The following SEZ6L2 variants were observed in gnomAD, a reference collection of about 807,000 sequenced individuals.
SEZ6L2 encodes seizure related 6 homolog like 2.
Under a neutral mutation model 97.0 loss-of-function variants are expected in SEZ6L2, and 44 were observed. The observed-to-expected ratio is 0.45, with a 90% CI of 0.36 to 0.58. The LOEUF (loss-of-function observed/expected upper bound fraction) is 0.58, where lower values mean the gene tolerates loss of function less well. Among genes scored for constraint, SEZ6L2 ranks in the 20% least tolerant of loss-of-function variants. The pLI is 0.00. For synonymous variants in SEZ6L2, 543 were observed against 546.1 expected, an observed-to-expected ratio of 0.99 and a Z score of 0.08; for missense variants, 1,086 against 1,233.3, an observed-to-expected ratio of 0.88 and a Z score of 1.79.
Position 29,871,514 on chromosome 16 carries a change from G to C in SEZ6L2, c.*185C>G. Reference sequence around the variant, plus strand: ...CAACTGAGAAGAGGCGGCTTTGGGCGGCAGGATGCTGGTTTATTTACTGTA... The same window carrying C: ...CAACTGAGAAGAGGCGGCTTTGGGCCGCAGGATGCTGGTTTATTTACTGTA... On this transcript the variant is annotated 3_prime_UTR_variant, in exon 18 of 18. Coordinates refer to ENST00000617533, the MANE Select transcript of SEZ6L2 (RefSeq NM_001243332.2). 1 of 656,008 alleles carries C rather than the reference G, an allele frequency of 1.5e-6. No homozygotes were observed. The highest frequency in any genetic ancestry group is 2.7e-6 in the Non-Finnish European group (1 of 364,294). 40.6% of individuals were successfully genotyped at this position (656,008 alleles called of 1,614,324 possible).
Position 29,878,392 on chromosome 16 carries a change from C to T in SEZ6L2, c.1607G>A (p.Gly536Asp), listed in dbSNP as rs2067955039. Residue 536 changes from glycine to aspartate, a missense_variant, in exon 10 of 18, where the codon GGC (glycine) becomes GAC (aspartate). By Grantham distance (94) the Gly-to-Asp change is moderately conservative. This residue lies in a region of SEZ6L2 where 776 missense variants were observed against 794.7 expected (regional missense o/e 0.98). Coordinates refer to ENST00000617533, the MANE Select transcript of SEZ6L2 (RefSeq NM_001243332.2). ...GGGCCAGTCGGGAGAGAGGACCACG[C>T]CAGCTGGTTCCGACAGCTCCCCTCC... is the stretch of plus-strand genomic sequence containing the variant. ...MCGGELSEPA[G>D]VVLSPDWPQS... The T allele has an allele frequency of 6.2e-7, 1 of 1,606,950 alleles. No homozygotes were observed. The highest frequency in any genetic ancestry group is 1.3e-5 in the African/African-American group (1 of 74,822).
chr16:29,882,670 C>G (rs1384289253), intron 8 of SEZ6L2, among the ~76,000 whole-genome samples: 1 of 152,000 alleles, frequency 6.6e-6, no homozygotes, highest in Non-Finnish European at 1.5e-5. Context: ...TCACAGCAGC[C>G]TTGACCTCCT....
chr16:29,897,014 C>T lies in SEZ6L2; in HGVS notation c.319G>A (p.Val107Ile), dbSNP rs1320104157. The change falls in exon 3 of 18, where the codon GTC (valine) becomes ATC (isoleucine). Residue 107 changes from valine to isoleucine, a missense_variant. Coordinates refer to ENST00000617533, the MANE Select transcript of SEZ6L2 (RefSeq NM_001243332.2). ...EPGTGPLTTA[V>I]TPNGVRGAGP... ...GCCCCCCTGACCCCGTTAGGGGTGA[C>T]GGCTGTTGTCAGAGGCCCTGTCCCC... 5 of 1,582,942 alleles carry T rather than the reference C, an allele frequency of 3.2e-6. No individual in the cohort carries two copies. The highest frequency in any genetic ancestry group is 1.1e-5 in the South Asian group (1 of 88,250).
rs1218318392 is a variant in SEZ6L2 at position 29,876,035 on chromosome 16, C to T, written c.2104+721G>A. On this transcript the variant is annotated intron_variant, in intron 12 of 17. Transcript: ENST00000617533. This position sits in a 1 kb window ranked among gnomAD's most constrained non-coding sequence, Gnocchi z 6.5. ...CACTGCTCTCCCCACAGCACTTCGC[C>T]ACGCCCAGGGCAGCATGCGCCCTGT... Among the ~76,000 whole-genome samples the T allele has an allele frequency of 1.3e-5, 2 of 152,100 alleles. No homozygotes were observed. Among genetic ancestry groups the T allele is most frequent in the Admixed American group, 6.6e-5 (1 of 15,254 alleles).
chr16:29,875,887 C>G (rs1217194205), intron 12 of SEZ6L2, among the ~76,000 whole-genome samples: 1 of 151,898 alleles, frequency 6.6e-6, no homozygotes, highest in Non-Finnish European at 1.5e-5. Context: ...GTCTCGAACT[C>G]CAGACCTCAG....
In SEZ6L2 at chr16:29,897,855, G is replaced by T. The variant is rs2068439113; in HGVS notation, c.209C>A (p.Pro70Gln). 6.2e-7 allele frequency: 1 copy of T among 1,602,344 alleles called. No individual in the cohort carries two copies. Among genetic ancestry groups the T allele is most frequent in the Non-Finnish European group, 8.5e-7 (1 of 1,176,508 alleles). ...LRRGPEMGYL[P>Q]GSDRDPTLAT... ...TCCTGCCACTCTGGGGGCCTCACCT[G>T]GCAGGTAGCCCATCTCTGGGCCCCT... The change falls in exon 2 of 18, where the codon CCA becomes CAA. Residue 70 changes from proline to glutamine, a missense_variant and splice_region_variant. This residue lies in a region of SEZ6L2 where 776 missense variants were observed against 794.7 expected (regional missense o/e 0.98). Transcript: ENST00000617533.
chr16:29,890,584 C>G (rs527242616), intron 5 of SEZ6L2, among the ~76,000 whole-genome samples: 1 of 152,150 alleles, frequency 6.6e-6, no homozygotes, highest in East Asian at 1.9e-4. Flanking sequence ...CGCTTGTGCT[C>G]TCCCCCTACT....
chr16:29,883,474 G>A (rs541584798), intron 8 of SEZ6L2, among the ~76,000 whole-genome samples: 1 of 152,004 alleles, frequency 6.6e-6, no homozygotes, highest in Admixed American at 6.6e-5. Context: ...ACCACACCTG[G>A]ATAATTATTA....
chr16:29,898,156 A>T (rs745391336), intron 1 of SEZ6L2, among the ~76,000 whole-genome samples, 172 bp from the exon 2 acceptor site: 8 of 151,904 alleles, frequency 5.3e-5, no homozygotes, highest in Non-Finnish European at 1.2e-4. Context: ...AGCTGCCCTC[A>T]TACTCCCACT....
intron 10 of SEZ6L2, 112 bp from the exon 11 acceptor site, chr16:29,877,579 G>C: frequency 2.0e-6 from 2 of 985,828 alleles, no homozygotes; most frequent in South Asian, 1.8e-5. Context: ...CTCCAGCCCC[G>C]CCCATATTCT....
intron 8 of SEZ6L2, 92 bp downstream of exon 8, chr16:29,885,494 C>A: frequency 7.4e-7 from 1 of 1,344,132 alleles, no homozygotes; most frequent in African/African-American, 1.4e-5. Flanking sequence ...CGGAGATGAA[C>A]AGGCATAGAG....
chr16:29,877,005 C>T, intron 11 of SEZ6L2, 55 bp from the exon 12 acceptor site: 1 of 1,533,074 alleles, frequency 6.5e-7, no homozygotes, highest in South Asian at 1.2e-5. Flanking sequence ...GGGCTCCCTT[C>T]CAGCCTCGGA....
chr16:29,881,929 C>CA (rs564768527), intron 8 of SEZ6L2, among the ~76,000 whole-genome samples: 1 of 110,146 alleles, frequency 9.1e-6, no homozygotes, highest in Non-Finnish European at 2.0e-5. Context: ...CATACCCGGC[C>CA]TTTTTTTTTT....
chr16:29,887,335 C>G (rs993392036), intron 7 of SEZ6L2, among the ~76,000 whole-genome samples: 4 of 147,834 alleles, frequency 2.7e-5, no homozygotes, highest in Non-Finnish European at 4.5e-5. Flanking sequence ...GAGTCTCATT[C>G]TGTCTCCCAG....
At position 29,899,134 on chromosome 16, in the gene SEZ6L2, CTCGTAG is replaced by C; in HGVS notation, c.-121_-116del. The C allele has an allele frequency of 1.4e-6, 1 of 704,126 alleles. No homozygotes were observed. Among genetic ancestry groups the C allele is most frequent in the Non-Finnish European group, 2.2e-6 (1 of 447,212 alleles). 43.6% of individuals were successfully genotyped at this position (704,126 alleles called of 1,614,324 possible). ...TGTTTTTTTTTTTTTTTTTTTTTTC[CTCGTAG>C]GAGTCAGCAAAGAAAGACAATTTCT... On this transcript the variant is annotated 5_prime_UTR_variant, in exon 1 of 18. Coordinates refer to ENST00000617533, the MANE Select transcript of SEZ6L2 (RefSeq NM_001243332.2).
At position 29,874,572 on chromosome 16, in the gene SEZ6L2, T is replaced by G. The variant is rs1395893417; in HGVS notation, c.2105-843A>C. Among the ~76,000 whole-genome samples, 14 of 111,334 alleles carry G rather than the reference T, an allele frequency of 1.3e-4. 1 individual carries two copies. Among genetic ancestry groups the G allele is most frequent in the African/African-American group, 4.2e-4 (12 of 28,662 alleles). The allele number at this position is 111,334 out of a possible 152,430, so 73.0% of individuals were successfully genotyped here. A position where few individuals can be genotyped will look rare whatever the true frequency, so the allele number is the denominator to read the frequency against. ...CTTGTTTTTTTTTTTTTTTTTTTTT[T>G]TTTTTTTTTTTTTTTTGAGATGGGA... On this transcript the variant is annotated intron_variant, in intron 12 of 17. Coordinates refer to ENST00000617533, the MANE Select transcript of SEZ6L2 (RefSeq NM_001243332.2).
In SEZ6L2 at chr16:29,896,977, G is replaced by A. The variant is rs747268371; in HGVS notation, c.356C>T (p.Ala119Val). The A allele has an allele frequency of 2.1e-5, 34 of 1,592,078 alleles. No individual in the cohort carries two copies. The highest frequency in any genetic ancestry group is 4.5e-5 in the South Asian group (4 of 89,002). ...TGGGGGCGGGGTCAGCAGTTCTGGC[G>A]CAGTGGGGCCTGCCCCCCTGACCCC... ...PNGVRGAGPT[A>V]PELLTPPPGT... The change falls in exon 3 of 18, where the codon GCG (alanine) becomes GTG (valine). Residue 119 changes from alanine to valine, a missense_variant. By Grantham distance (64) the Ala-to-Val change is moderately conservative. Coordinates refer to ENST00000617533, the MANE Select transcript of SEZ6L2 (RefSeq NM_001243332.2).
At position 29,878,362 on chromosome 16, in the gene SEZ6L2, C is replaced by T. The variant is rs1437437021; in HGVS notation, c.1637G>A (p.Ser546Asn). Residue 546 changes from serine (S) to asparagine (N), a missense_variant, in exon 10 of 18, where the codon AGC becomes AAC. Ser to Asn is a conservative substitution (Grantham distance 46, BLOSUM62 1). Transcript: ENST00000617533. ...GVVLSPDWPQ[S>N]YSPGQDCVWG... ...CACGCAGTCTTGGCCCGGGCTATAG[C>T]TCTGGGGCCAGTCGGGAGAGAGGAC... 6.2e-7 allele frequency: 1 copy of T among 1,608,408 alleles called. No homozygotes were observed. The highest frequency in any genetic ancestry group is 1.1e-5 in the South Asian group (1 of 89,542).
At chr16:29,872,829 C>G in intron 14 of SEZ6L2, 86 bp from the exon 15 acceptor site, 3 of 1,098,728 alleles carry the variant, frequency 2.7e-6, no homozygotes, top group Non-Finnish European at 4.0e-6. Flanking sequence ...TGGGGCTGGG[C>G]TGGACAGCCT....
Sources: gnomAD v4.1 joint callset for allele counts (sites outside exome capture counted in the v4.1 genomes callset) on GRCh38, gnomAD v4.1.1 for gene constraint, gnomAD v4.1.1 regional missense constraint, Gnocchi (gnomAD v3.1) non-coding constraint, MANE v1.5 for transcripts, NCBI Gene and HGNC (gene_info 2026-07-23, HGNC 2026-07-21) for gene names.